TM4SF5: variants seen among roughly 807,000 people sequenced by gnomAD.
TM4SF5 encodes the protein transmembrane 4 L six family member 5.
TM4SF5 carries 16 observed loss-of-function variants against 22.3 expected under a neutral mutation model. That is an observed-to-expected ratio of 0.72 (90% CI 0.49 to 1.09). TM4SF5 has a LOEUF of 1.09. TM4SF5 is among the 50% of genes least tolerant of loss of function. TM4SF5 has a pLI of 0.00. For missense variants in TM4SF5, 249 were observed against 266.1 expected (o/e 0.94, Z 0.45); for synonymous variants, 113 against 109.6 (o/e 1.03, Z -0.19).
At chr17:4,781,374 G>C (rs996629569) in intron 2 of TM4SF5, among the ~76,000 whole-genome samples, 1 of 151,688 alleles carries the variant, frequency 6.6e-6, no homozygotes, top group Non-Finnish European at 1.5e-5. Flanking sequence ...CTGGTGTGGT[G>C]GTGGGCGCCT....
intron 1 of TM4SF5, among the ~76,000 whole-genome samples, chr17:4,779,286 G>A (rs1486763789): frequency 6.6e-6 from 1 of 151,188 alleles, no homozygotes; most frequent in Non-Finnish European, 1.5e-5. Flanking sequence ...TTAATTAGCT[G>A]GGAATGATGA....
chr17:4,774,121 T>C (rs1039666997), intron 1 of TM4SF5, among the ~76,000 whole-genome samples: 1 of 152,248 alleles, frequency 6.6e-6, no homozygotes, highest in Admixed American at 6.5e-5. Flanking sequence ...CTCGGGAGAC[T>C]GAGGCAGGAG....
intron 1 of TM4SF5, among the ~76,000 whole-genome samples, chr17:4,775,566 A>G (rs1394960136): frequency 2.0e-5 from 3 of 151,244 alleles, no homozygotes; most frequent in Non-Finnish European, 4.4e-5. Context: ...GCCATGCCCT[A>G]TTGAAGGACT....
intron 2 of TM4SF5, among the ~76,000 whole-genome samples, chr17:4,781,290 A>T (rs1474425718): frequency 6.6e-6 from 1 of 151,658 alleles, no homozygotes; most frequent in Non-Finnish European, 1.5e-5. Flanking sequence ...AGATCACACC[A>T]TTGCACTCCA....
At chr17:4,782,091 ATT>A (rs376659055) in intron 2 of TM4SF5, among the ~76,000 whole-genome samples, 118,627 of 142,058 alleles carry the variant, frequency 0.84, 50,214 homozygotes, top group Non-Finnish European at 0.93. Context: ...CGAATTTCTA[ATT>A]TTTTTTTTTT....
intron 1 of TM4SF5, 38 bp downstream of exon 1, chr17:4,772,137 G>A: frequency 6.2e-7 from 1 of 1,612,290 alleles, no homozygotes; most frequent in Non-Finnish European, 8.5e-7. Flanking sequence ...CCAGCTGGCT[G>A]GGTGCCACCT....
At chr17:4,772,941 G>A (rs1917141136) in intron 1 of TM4SF5, among the ~76,000 whole-genome samples, 1 of 152,000 alleles carries the variant, frequency 6.6e-6, no homozygotes, top group African/African-American at 2.4e-5. Flanking sequence ...GTCTCGCTCT[G>A]TCGCCCAGGC....
At chr17:4,782,700 C>T (rs1028495931) in intron 3 of TM4SF5, 61 bp downstream of exon 3, 2 of 1,602,226 alleles carry the variant, frequency 1.2e-6, no homozygotes, top group African/African-American at 2.7e-5. Context: ...GCCCTTCCCC[C>T]GTGGACTGGG....
intron 1 of TM4SF5, 100 bp from the exon 2 acceptor site, chr17:4,780,689 A>G (rs1917285973): frequency 2.3e-6 from 2 of 873,278 alleles, no homozygotes; most frequent in African/African-American, 3.4e-5. Flanking sequence ...CAAAGGGCTG[A>G]AGGCATCACA....
At chr17:4,774,682 C>A (rs1342275802) in intron 1 of TM4SF5, among the ~76,000 whole-genome samples, 1 of 152,218 alleles carries the variant, frequency 6.6e-6, no homozygotes, top group African/African-American at 2.4e-5. Context: ...CTGAGGCAGG[C>A]GGATCACCGA....
At chr17:4,774,013 C>T (rs1312852677) in intron 1 of TM4SF5, among the ~76,000 whole-genome samples, 1 of 152,164 alleles carries the variant, frequency 6.6e-6, no homozygotes, top group Non-Finnish European at 1.5e-5. Flanking sequence ...GTCAGGAGTT[C>T]AAGACCAGCC....
At position 4,774,625 on chromosome 17, in the gene TM4SF5, C is replaced by T. The variant is rs190820912; in HGVS notation, c.177+2526C>T. ...AATTTCAGATAGAAGTAGGTACCATCGGCCGGGCGCAGTGGCTCATGCCTG... is the reference window on the plus strand; with the variant it reads ...AATTTCAGATAGAAGTAGGTACCATTGGCCGGGCGCAGTGGCTCATGCCTG... On this transcript the variant is annotated intron_variant, in intron 1 of 4. Transcript: ENST00000270560. Among the ~76,000 whole-genome samples the T allele has an allele frequency of 1.5e-4, 23 of 152,168 alleles. No individual in the cohort carries two copies. In the East Asian group the frequency reaches 2.9e-3, roughly 19 times the overall value.
chr17:4,779,015 C>T (rs187810227), intron 1 of TM4SF5, among the ~76,000 whole-genome samples: 6 of 149,880 alleles, frequency 4.0e-5, no homozygotes, highest in Non-Finnish European at 8.9e-5. Context: ...CAAGATCACA[C>T]CACTGTACTC....
At position 4,782,564 on chromosome 17, in the gene TM4SF5, T is replaced by C; in HGVS notation, c.320T>C (p.Val107Ala). ...CTTGGTGCCATCTACTGCCTCTCGG[T>C]GTCTGGAGCTGGGCTCCGAAATGGA... ...GVLGAIYCLS[V>A]SGAGLRNGPR... Residue 107 changes from valine to alanine, a missense_variant, in exon 3 of 5, where the codon GTG becomes GCG. Coordinates refer to ENST00000270560, the MANE Select transcript of TM4SF5 (RefSeq NM_003963.3). 1 of 1,614,010 alleles carries C rather than the reference T, an allele frequency of 6.2e-7. No homozygotes were observed. Among genetic ancestry groups the C allele is most frequent in the Non-Finnish European group, 8.5e-7 (1 of 1,179,986 alleles).
rs62073591 is a variant in TM4SF5 at position 4,776,500 on chromosome 17, C to T, written c.178-4289C>T. Among the ~76,000 whole-genome samples the T allele has an allele frequency of 2.9e-3, 444 of 152,080 alleles. 2 individuals are homozygous for T. Among genetic ancestry groups the T allele is most frequent in the Non-Finnish European group, 4.5e-3 (307 of 67,994 alleles). On this transcript the variant is annotated intron_variant, in intron 1 of 4. Coordinates refer to ENST00000270560, the MANE Select transcript of TM4SF5 (RefSeq NM_003963.3). Reference sequence around the variant, plus strand: ...TATTTTTAGTAGAGACGGGGTTTCGCGATATTGGTCAGGCTGGTTTTGAAC... The same window carrying T: ...TATTTTTAGTAGAGACGGGGTTTCGTGATATTGGTCAGGCTGGTTTTGAAC...
intron 1 of TM4SF5, among the ~76,000 whole-genome samples, chr17:4,772,306 A>G (rs1042468179): frequency 1.3e-5 from 2 of 152,126 alleles, no homozygotes; most frequent in Non-Finnish European, 2.9e-5. Flanking sequence ...AAAGGACGAG[A>G]GCCTCACTGC....
chr17:4,776,682 T>C (rs1917212747), intron 1 of TM4SF5, among the ~76,000 whole-genome samples: 1 of 152,236 alleles, frequency 6.6e-6, no homozygotes. Flanking sequence ...TTCTTGTAGA[T>C]GTATTTAGGT....
chr17:4,774,999 A>G (rs1397404444), intron 1 of TM4SF5, among the ~76,000 whole-genome samples: 1 of 152,224 alleles, frequency 6.6e-6, no homozygotes, highest in African/African-American at 2.4e-5. Flanking sequence ...TTTCAGGGAC[A>G]GGCTCTATGA....
At position 4,782,514 on chromosome 17, in the gene TM4SF5, G is replaced by T. The variant is rs1917330676; in HGVS notation, c.270G>T (p.Ser90=). 1 of 1,613,862 alleles carries T rather than the reference G, an allele frequency of 6.2e-7. No homozygotes were observed. The highest frequency in any genetic ancestry group is 1.7e-5 in the Admixed American group (1 of 59,950). The part of the protein sequence containing the change: ...CCGNRCRMLR[S]VFSSAFGVLG... ...CACACCACATCCAGATGCTGCGCTCGGTCTTCTCCTCGGCGTTCGGGGTGC... is the reference window on the plus strand; with the variant it reads ...CACACCACATCCAGATGCTGCGCTCTGTCTTCTCCTCGGCGTTCGGGGTGC... Residue 90 remains serine (S), a synonymous_variant, in exon 3 of 5, where the codon TCG becomes TCT. Transcript: ENST00000270560.
Sources: allele counts gnomAD v4.1 joint callset (sites outside exome capture counted in the v4.1 genomes callset), GRCh38; gene constraint gnomAD v4.1.1; transcripts MANE v1.5; gene names NCBI Gene and HGNC (gene_info 2026-07-23, HGNC 2026-07-21).